The following SMG6 variants were observed in gnomAD, a reference collection of about 807,000 sequenced individuals.
The protein encoded by SMG6 is telomerase-binding protein EST1A.
A neutral mutation model predicts 142.2 loss-of-function variants in SMG6; 66 were observed. That is an observed-to-expected ratio of 0.46 (90% confidence interval 0.38 to 0.57). The LOEUF is 0.57. SMG6 is among the 20% of genes least tolerant of loss of function. The pLI, the probability that SMG6 is intolerant of heterozygous loss-of-function variation, is 0.00. For missense variants in SMG6, 1,793 were observed against 1,832.0 expected (o/e 0.98, Z 0.39); for synonymous variants, 779 against 702.4 (o/e 1.11, Z -1.72).
chr17:2,124,348 A>G (rs1215001459), intron 13 of SMG6, among the ~76,000 whole-genome samples: 2 of 152,240 alleles, frequency 1.3e-5, no homozygotes, highest in African/African-American at 2.4e-5. Flanking sequence ...CGAACTGGCT[A>G]ACTACTGGGT....
rs551510255 is a variant in SMG6, at chr17:2,184,743, T to C, written c.3155+1920A>G. Among the ~76,000 whole-genome samples the C allele has an allele frequency of 1.9e-4, 28 of 147,964 alleles. No individual in the cohort carries two copies. The South Asian group carries it at 2.1e-3, about 11-fold the overall frequency. ...ACTTTGGGAGGCTGAGGCGGGTGGATTGCCTGAGGTCAGGAGTTTGAGACC... is the reference window on the plus strand; with the variant it reads ...ACTTTGGGAGGCTGAGGCGGGTGGACTGCCTGAGGTCAGGAGTTTGAGACC... On this transcript the variant is annotated intron_variant, in intron 12 of 18. Transcript: ENST00000263073.
chr17:2,176,082 A>T (rs1374609195), intron 12 of SMG6, among the ~76,000 whole-genome samples: 3 of 152,234 alleles, frequency 2.0e-5, no homozygotes, highest in South Asian at 2.1e-4. Context: ...TGAACTCAAA[A>T]GTTAAGATAT....
chr17:2,081,726 T>A, intron 15 of SMG6, 84 bp downstream of exon 15: 1 of 1,506,744 alleles, frequency 6.6e-7, no homozygotes, highest in East Asian at 2.3e-5. Flanking sequence ...AGTGTCCTGC[T>A]CAGCTCTGCT....
chr17:2,294,577 G>A (rs1046710333), intron 4 of SMG6, among the ~76,000 whole-genome samples: 4 of 151,756 alleles, frequency 2.6e-5, no homozygotes, highest in Non-Finnish European at 5.9e-5. Flanking sequence ...CCCCTAAAAT[G>A]TTCCTCTCCT....
intron 8 of SMG6, among the ~76,000 whole-genome samples, chr17:2,265,478 C>A (rs9897772): frequency 0.43 from 64,731 of 151,370 alleles, 15,071 homozygotes; most frequent in African/African-American, 0.62. Context: ...CCACTGCACT[C>A]CAGCCTGGAC....
intron 13 of SMG6, among the ~76,000 whole-genome samples, chr17:2,143,055 A>C (rs2070539088): frequency 6.6e-6 from 1 of 152,180 alleles, no homozygotes; most frequent in African/African-American, 2.4e-5. Flanking sequence ...GGATGGCTAT[A>C]ATAAAAAAAA....
At chr17:2,066,559 A>T (rs1420063478) in intron 16 of SMG6, among the ~76,000 whole-genome samples, 2 of 151,406 alleles carry the variant, frequency 1.3e-5, no homozygotes, top group Non-Finnish European at 2.9e-5. Flanking sequence ...TTCATGGCTC[A>T]GGGAGCCGGC....
intron 13 of SMG6, among the ~76,000 whole-genome samples, chr17:2,166,601 G>A (rs560829340): frequency 6.6e-6 from 1 of 152,252 alleles, no homozygotes; most frequent in African/African-American, 2.4e-5. Flanking sequence ...GGAACTACAG[G>A]TGTAATACCA....
At chr17:2,065,716 C>T in intron 16 of SMG6, 37 bp from the exon 17 acceptor site, 1 of 1,559,304 alleles carries the variant, frequency 6.4e-7, no homozygotes, top group Non-Finnish European at 8.8e-7. Context: ...TCAGCCTCAG[C>T]AATCAGCTTT....
chr17:2,278,360 G>A (rs977927551), intron 8 of SMG6, among the ~76,000 whole-genome samples: 5 of 151,880 alleles, frequency 3.3e-5, no homozygotes, highest in Middle Eastern at 3.2e-3. Flanking sequence ...ACACCACTAT[G>A]CCCAGGTAAC....
chr17:2,241,117 C>T (rs566734025), intron 9 of SMG6, among the ~76,000 whole-genome samples: 2 of 152,268 alleles, frequency 1.3e-5, no homozygotes, highest in East Asian at 3.9e-4. Context: ...AATCCACATA[C>T]ATTTTCCTCA....
At chr17:2,170,306 T>C (rs1192304499) in intron 13 of SMG6, among the ~76,000 whole-genome samples, 1 of 152,160 alleles carries the variant, frequency 6.6e-6, no homozygotes, top group Non-Finnish European at 1.5e-5. Flanking sequence ...ACGTGGTATC[T>C]GACACTAGAG....
At chr17:2,256,722 C>T (rs1383247932) in intron 8 of SMG6, among the ~76,000 whole-genome samples, 1 of 152,104 alleles carries the variant, frequency 6.6e-6, no homozygotes, top group Non-Finnish European at 1.5e-5. Context: ...TTGCAGTGAG[C>T]CGTGATGGTG....
chr17:2,156,206 A>C (rs1240042736), intron 13 of SMG6, among the ~76,000 whole-genome samples: 3 of 151,334 alleles, frequency 2.0e-5, no homozygotes, highest in Non-Finnish European at 4.4e-5. Context: ...CCTGGGCAAC[A>C]TAATGAAACT....
chr17:2,083,539 G>C (rs1049991068), intron 14 of SMG6, among the ~76,000 whole-genome samples: 2 of 152,246 alleles, frequency 1.3e-5, no homozygotes, highest in African/African-American at 4.8e-5. Flanking sequence ...TCAGGGGTCT[G>C]GGATGCTGTC....
chr17:2,268,943 G>A (rs1207871367), intron 8 of SMG6, among the ~76,000 whole-genome samples: 3 of 147,582 alleles, frequency 2.0e-5, no homozygotes, highest in East Asian at 2.0e-4. Context: ...GGTGGCTCAC[G>A]CCTGTAATCC....
intron 10 of SMG6, among the ~76,000 whole-genome samples, chr17:2,192,166 A>G (rs2072184667): frequency 6.6e-6 from 1 of 152,210 alleles, no homozygotes; most frequent in Admixed American, 6.5e-5. Context: ...AGGGGATGGG[A>G]GGCAGGCCCA....
chr17:2,267,153 G>C (rs1397825393), intron 8 of SMG6, among the ~76,000 whole-genome samples: 3 of 152,170 alleles, frequency 2.0e-5, no homozygotes, highest in South Asian at 2.1e-4. Context: ...TTAAAGACAT[G>C]AAGTCAACTC....
chr17:2,069,391 T>C (rs999018182), intron 15 of SMG6, among the ~76,000 whole-genome samples: 10 of 131,382 alleles, frequency 7.6e-5, no homozygotes, highest in South Asian at 7.1e-4. Flanking sequence ...CAAAACAAAA[T>C]AAAATATACC....
Sources: allele counts gnomAD v4.1 joint callset (sites outside exome capture counted in the v4.1 genomes callset), GRCh38; gene constraint gnomAD v4.1.1; transcripts MANE v1.5; gene names NCBI Gene and HGNC (gene_info 2026-07-23, HGNC 2026-07-21).